The following C2orf76 variants were observed in gnomAD, a reference collection of about 807,000 sequenced individuals.
C2orf76 encodes chromosome 2 open reading frame 76, also known as UPF0538 protein C2orf76.
In C2orf76, 23 loss-of-function variants were observed where a neutral mutation model predicts 16.9. The ratio of observed to expected loss-of-function variants is 1.36; its 90% CI spans 0.98 to 1.93. The LOEUF (loss-of-function observed/expected upper bound fraction) is 1.93. C2orf76 is among the 30% of genes most tolerant of loss of function. The pLI, the probability that C2orf76 is intolerant of heterozygous loss-of-function variation, is 0.00. For synonymous variants in C2orf76, 48 were observed against 52.3 expected, an observed-to-expected ratio of 0.92 and a Z score of 0.35; for missense variants, 152 against 152.6, an observed-to-expected ratio of 1.00 and a Z score of 0.02.
chr2:119,349,027 G>T (rs1203013803), intron 1 of C2orf76, among the ~76,000 whole-genome samples: 1 of 152,160 alleles, frequency 6.6e-6, no homozygotes, highest in African/African-American at 2.4e-5. Flanking sequence ...AATTGCCTGT[G>T]TACAGTATCA....
intron 2 of C2orf76, among the ~76,000 whole-genome samples, chr2:119,328,632 T>G (rs1679582651): frequency 1.3e-5 from 2 of 152,184 alleles, no homozygotes; most frequent in Non-Finnish European, 2.9e-5. Context: ...TTATTCTGAT[T>G]ATTTTAGGTT....
chr2:119,326,669 T>G (rs1340021802), intron 2 of C2orf76, among the ~76,000 whole-genome samples: 1 of 152,172 alleles, frequency 6.6e-6, no homozygotes, highest in Non-Finnish European at 1.5e-5. Flanking sequence ...ACATGACATC[T>G]TAACAGTTTT....
chr2:119,319,873 T>A (rs1421756291), intron 3 of C2orf76, among the ~76,000 whole-genome samples: 1 of 152,124 alleles, frequency 6.6e-6, no homozygotes, highest in Non-Finnish European at 1.5e-5. Flanking sequence ...CAATGACAGG[T>A]GAAAATAACA....
chr2:119,320,312 G>A (rs553746420), intron 3 of C2orf76, among the ~76,000 whole-genome samples: 20 of 152,264 alleles, frequency 1.3e-4, no homozygotes, highest in Admixed American at 3.9e-4. Context: ...ATTATACTTT[G>A]AAAGCCTTGA....
chr2:119,321,163 A>G lies in C2orf76; in HGVS notation c.175T>C (p.Tyr59His), dbSNP rs1202748669. 3.5e-6 allele frequency: 5 copies of G among 1,417,124 alleles called. No homozygotes were observed. The highest frequency in any genetic ancestry group is 4.8e-6 in the Non-Finnish European group (5 of 1,044,020). The allele number at this position is 1,417,124 out of a possible 1,614,324, so 87.8% of individuals were successfully genotyped here. The change falls in exon 3 of 6, where the codon TAT becomes CAT. Residue 59 changes from tyrosine to histidine, a missense_variant. Coordinates refer to ENST00000334816, the MANE Select transcript of C2orf76 (RefSeq NM_001322331.2). ...RTNLPPPFRN[Y>H]KYDALKIIHQ... ...ATAAAAAAATGGTTACCATATTTATAATTTCTGAATGGTGGTGGCAGGTTG... is the reference window on the plus strand; with the variant it reads ...ATAAAAAAATGGTTACCATATTTATGATTTCTGAATGGTGGTGGCAGGTTG...
chr2:119,317,732 AGT>A (rs59164044), intron 3 of C2orf76, among the ~76,000 whole-genome samples: 44,983 of 151,940 alleles, frequency 0.3, 8,368 homozygotes, highest in African/African-American at 0.53. Flanking sequence ...GACACACAGC[AGT>A]GTGTGTGTCA....
chr2:119,319,100 G>A, intron 3 of C2orf76, among the ~76,000 whole-genome samples: 1 of 151,884 alleles, frequency 6.6e-6, no homozygotes, highest in East Asian at 1.9e-4. Flanking sequence ...AATAACAGGA[G>A]CTCAAAGTCT....
chr2:119,329,689 A>G (rs1249919904), intron 2 of C2orf76, among the ~76,000 whole-genome samples: 1 of 152,250 alleles, frequency 6.6e-6, no homozygotes, highest in Non-Finnish European at 1.5e-5. Context: ...TACAGTAAAC[A>G]TCTTTATCGG....
rs2104559082 is a variant in C2orf76, at chr2:119,317,476, T to C, written c.212A>G (p.His71Arg). Residue 71 changes from histidine to arginine, a missense_variant, in exon 4 of 6, where the codon CAT (histidine) becomes CGT (arginine). Physicochemically the swap from His to Arg is conservative, Grantham distance 29. Coordinates refer to ENST00000334816, the MANE Select transcript of C2orf76 (RefSeq NM_001322331.2). Reference sequence around the variant, plus strand: ...ACCTGTGGAACATACCTTTGATTTATGTGCTTGATGAATAATCTTTAGTGC... The same window carrying C: ...ACCTGTGGAACATACCTTTGATTTACGTGCTTGATGAATAATCTTTAGTGC... ...YDALKIIHQA[H>R]KSKTNELVLS... 1 of 1,604,242 alleles carries C rather than the reference T, an allele frequency of 6.2e-7. No individual in the cohort carries two copies. Among genetic ancestry groups the C allele is most frequent in the Non-Finnish European group, 8.5e-7 (1 of 1,174,024 alleles).
intron 5 of C2orf76, among the ~76,000 whole-genome samples, chr2:119,310,798 C>G (rs1385513463): frequency 6.6e-6 from 1 of 152,128 alleles, no homozygotes; most frequent in Non-Finnish European, 1.5e-5. Context: ...CGCTTGAACC[C>G]GGGAGATGGA....
At chr2:119,351,559 T>C (rs1160588079) in intron 1 of C2orf76, among the ~76,000 whole-genome samples, 1 of 152,070 alleles carries the variant, frequency 6.6e-6, no homozygotes, top group Admixed American at 6.6e-5. Context: ...GAGATCAGCC[T>C]GGGCAACATA....
chr2:119,283,698 C>T, the C2orf76 span, among the ~76,000 whole-genome samples: 1 of 152,072 alleles, frequency 6.6e-6, no homozygotes, highest in African/African-American at 2.4e-5. Context: ...TGGTCTTGAA[C>T]TCCTGACCTC....
intron 5 of C2orf76, chr2:119,311,195 C>A (rs1678974442): frequency 1.0e-6 from 1 of 985,296 alleles, no homozygotes; most frequent in Admixed American, 6.1e-5. Context: ...TTGGTGGGCC[C>A]TGAGTGATTC....
chr2:119,283,992 G>A, the C2orf76 span, among the ~76,000 whole-genome samples: 1 of 152,190 alleles, frequency 6.6e-6, no homozygotes, highest in South Asian at 2.1e-4. Flanking sequence ...CACAGCCAAG[G>A]CGTCCTGTGC....
upstream of C2orf76, chr2:119,367,090 G>C: frequency 6.2e-7 from 1 of 1,613,300 alleles, no homozygotes; most frequent in South Asian, 1.1e-5. Context: ...AGGCTGCGAA[G>C]GTGCAGCGGG....
intron 1 of C2orf76, among the ~76,000 whole-genome samples, chr2:119,361,985 A>G (rs1680761023): frequency 6.6e-6 from 1 of 152,140 alleles, no homozygotes; most frequent in Non-Finnish European, 1.5e-5. Context: ...CCTTGTCACC[A>G]GATTTTAATA....
At chr2:119,350,814 TC>T (rs904571202) in intron 1 of C2orf76, among the ~76,000 whole-genome samples, 1 of 152,104 alleles carries the variant, frequency 6.6e-6, no homozygotes, top group African/African-American at 2.4e-5. Context: ...CTGGCTGGTC[TC>T]CCCAGGGCAG....
chr2:119,288,450 G>A, the C2orf76 span, among the ~76,000 whole-genome samples: 5 of 152,038 alleles, frequency 3.3e-5, no homozygotes, highest in Non-Finnish European at 7.4e-5. Flanking sequence ...AAGTAAGGGA[G>A]AGAGCAAGCA....
chr2:119,338,126 T>C (rs765296742), intron 2 of C2orf76, among the ~76,000 whole-genome samples: 2 of 152,268 alleles, frequency 1.3e-5, no homozygotes, highest in Non-Finnish European at 2.9e-5. Flanking sequence ...CACTTTCTAA[T>C]TGACACTGTC....
Sources: gnomAD v4.1 joint callset for allele counts (sites outside exome capture counted in the v4.1 genomes callset) on GRCh38, gnomAD v4.1.1 for gene constraint, MANE v1.5 for transcripts, NCBI Gene and HGNC (gene_info 2026-07-23, HGNC 2026-07-21) for gene names.